GAB1: variants seen among roughly 807,000 people sequenced by gnomAD.
GAB1 encodes GRB2 associated binding protein 1.
In GAB1, 19 loss-of-function variants were observed where a neutral mutation model predicts 66.5. The ratio of observed to expected loss-of-function variants is 0.29; its 90% CI spans 0.20 to 0.42. The LOEUF (loss-of-function observed/expected upper bound fraction) is 0.42. Among genes scored for constraint, GAB1 ranks in the 10% least tolerant of loss-of-function variants. The pLI is 1.00. For synonymous variants in GAB1, 294 were observed against 301.4 expected (o/e 0.98, Z 0.25); for missense variants, 732 against 858.5 (o/e 0.85, Z 1.84).
chr4:143,464,213 A>G (rs1560789528), intron 8 of GAB1, among the ~76,000 whole-genome samples: 1 of 151,934 alleles, frequency 6.6e-6, no homozygotes, highest in African/African-American at 2.4e-5. Context: ...TGTGCTCTAC[A>G]TGTTATTTTT....
chr4:143,465,798 CATA>C (rs1225762335), intron 8 of GAB1, among the ~76,000 whole-genome samples: 1 of 152,116 alleles, frequency 6.6e-6, no homozygotes, highest in Non-Finnish European at 1.5e-5. Context: ...TCCTGTAAAG[CATA>C]ATTGAGTACA....
chr4:143,448,038 G>A (rs962397227), intron 6 of GAB1, among the ~76,000 whole-genome samples: 1 of 152,080 alleles, frequency 6.6e-6, no homozygotes, highest in African/African-American at 2.4e-5. Context: ...TGCATCTATT[G>A]AGATAATCAT....
Position 143,415,561 on chromosome 4 carries a change from G to A in GAB1, c.157G>A (p.Ala53Thr), listed in dbSNP as rs1188711341. 14 of 1,613,044 alleles carry A rather than the reference G, an allele frequency of 8.7e-6. No individual in the cohort carries two copies. The highest frequency in any genetic ancestry group is 1.2e-5 in the Non-Finnish European group (14 of 1,179,166). ...DVLEYYKNDH[A>T]KKPIRIIDLN... ...TTTGGAATATTACAAAAATGATCATGCCAAGAAGCCTATTCGTATTATTGA... is the reference window on the plus strand; with the variant it reads ...TTTGGAATATTACAAAAATGATCATACCAAGAAGCCTATTCGTATTATTGA... The change falls in exon 2 of 10, where the codon GCC becomes ACC. Residue 53 changes from alanine (A) to threonine (T), a missense_variant. Around this residue, in one of 4 missense-constraint regions of GAB1, gnomAD observed 66 missense variants for 130.3 expected, o/e 0.51. Transcript: ENST00000262994.
chr4:143,463,373 G>A (rs1316700600), intron 8 of GAB1, among the ~76,000 whole-genome samples: 2 of 152,080 alleles, frequency 1.3e-5, no homozygotes, highest in Non-Finnish European at 2.9e-5. Flanking sequence ...TGTAATCCCA[G>A]CACTTTAAGG....
chr4:143,347,559 CT>C (rs1048095597), intron 1 of GAB1, among the ~76,000 whole-genome samples: 1 of 152,160 alleles, frequency 6.6e-6, no homozygotes, highest in Admixed American at 6.5e-5. Context: ...AGATAAAATC[CT>C]TTCCGTCAGA....
At position 143,341,407 on chromosome 4, in the gene GAB1, A is replaced by T. The variant is rs112847044; in HGVS notation, c.72+4147A>T. The stretch of plus-strand genomic sequence containing the variant: ...AAGTCTGTAAATAAAGTATTGTTTC[A>T]AGACAGCTGGCTACCACCATCGCTC... On this transcript the variant is annotated intron_variant, in intron 1 of 9. Transcript: ENST00000262994. Among the ~76,000 whole-genome samples, 333 of 152,348 alleles carry T rather than the reference A, an allele frequency of 2.2e-3. 2 individuals are homozygous for T. Among genetic ancestry groups the T allele is most frequent in the African/African-American group, 7.6e-3 (317 of 41,590 alleles).
chr4:143,457,306 A>C (rs1735244321), intron 6 of GAB1, among the ~76,000 whole-genome samples: 1 of 152,214 alleles, frequency 6.6e-6, no homozygotes, highest in Admixed American at 6.5e-5. Context: ...GGTATTCTAC[A>C]AATTTTTTAT....
At chr4:143,427,718 T>C (rs566898857) in intron 2 of GAB1, among the ~76,000 whole-genome samples, 3 of 152,120 alleles carry the variant, frequency 2.0e-5, no homozygotes, top group Non-Finnish European at 4.4e-5. Context: ...CAAAATTACC[T>C]ATCAGCAAAG....
chr4:143,372,317 G>A (rs1036411500), intron 1 of GAB1, among the ~76,000 whole-genome samples: 3 of 151,976 alleles, frequency 2.0e-5, no homozygotes, highest in African/African-American at 7.3e-5. Context: ...GACATTTTTG[G>A]TGTTTGTTTA....
intron 1 of GAB1, among the ~76,000 whole-genome samples, chr4:143,399,852 G>T (rs1042891720): frequency 2.6e-5 from 4 of 151,726 alleles, no homozygotes; most frequent in African/African-American, 9.7e-5. Context: ...ACACTTAGTT[G>T]TGTATTGATG....
chr4:143,373,949 C>T (rs1730299192), intron 1 of GAB1, among the ~76,000 whole-genome samples: 3 of 146,976 alleles, frequency 2.0e-5, no homozygotes, highest in East Asian at 2.0e-4. Flanking sequence ...GTTATGTGTC[C>T]AAAGCATTGG....
intron 1 of GAB1, among the ~76,000 whole-genome samples, chr4:143,390,153 T>G (rs2149685665): frequency 1.3e-5 from 2 of 152,326 alleles, no homozygotes; most frequent in South Asian, 4.1e-4. Context: ...GAATAGAATT[T>G]TAGAAGTAGA....
rs200727770 is a variant in GAB1, at chr4:143,466,075, C to T, written c.1804-28C>T. 5.3e-5 allele frequency: 86 copies of T among 1,609,360 alleles called. 1 individual carries two copies. The highest frequency in any genetic ancestry group is 2.2e-4 in the East Asian group (10 of 44,582). On this transcript the variant is annotated intron_variant, in intron 8 of 9. Coordinates refer to ENST00000262994, the MANE Select transcript of GAB1 (RefSeq NM_002039.4). ...GTGGTATGTCTGGTGAATGTCTGAC[C>T]GTTGATTTTGTTGTCTAATACTTTC...
In GAB1 at chr4:143,423,792, G is replaced by GTATATATATA. The variant is rs35559967; in HGVS notation, c.367+8057_367+8066dup. ...CTCCATCTCAAAAAAAAAAAAAAGT[G>GTATATATATA]TATATATATATATATATATATATAT... On this transcript the variant is annotated intron_variant, in intron 2 of 9. Transcript: ENST00000262994. Among the ~76,000 whole-genome samples, 552 of 67,622 alleles carry GTATATATATA rather than the reference G, an allele frequency of 8.2e-3. 18 individuals carry two copies. The highest frequency in any genetic ancestry group is 0.012 in the Non-Finnish European group (421 of 34,730). 44.4% of individuals were successfully genotyped at this position (67,622 alleles called of 152,430 possible). A position where few individuals can be genotyped will look rare whatever the true frequency, so the allele number is the denominator to read the frequency against.
intron 1 of GAB1, among the ~76,000 whole-genome samples, chr4:143,400,967 A>AG (rs1731739020): frequency 6.8e-6 from 1 of 146,488 alleles, no homozygotes; most frequent in Admixed American, 6.8e-5. Context: ...AGACTCCATC[A>AG]CAAAAAAAAA....
At chr4:143,405,000 G>A (rs1367905566) in intron 1 of GAB1, among the ~76,000 whole-genome samples, 1 of 152,176 alleles carries the variant, frequency 6.6e-6, no homozygotes, top group Non-Finnish European at 1.5e-5. Flanking sequence ...AAAATTTTAT[G>A]TCTTTAATTT....
intron 1 of GAB1, 119 bp downstream of exon 1, chr4:143,337,379 C>T (rs1728695786): frequency 3.5e-6 from 3 of 848,360 alleles, no homozygotes; most frequent in Non-Finnish European, 5.7e-6. Flanking sequence ...ATGCCGGTCT[C>T]TTTCCCCTTG....
chr4:143,430,086 G>T (rs1005893557), intron 2 of GAB1, among the ~76,000 whole-genome samples: 1 of 152,148 alleles, frequency 6.6e-6, no homozygotes, highest in Non-Finnish European at 1.5e-5. Flanking sequence ...AGCCCTCCAT[G>T]AATCCTGTAC....
rs148187682 is a variant in GAB1 at position 143,417,446 on chromosome 4, C to T, written c.367+1675C>T. ...TTTTTGAGATAGGATCTCACTTTGTCGTCTAGGCTGGAGTACAGTGGCATG... is the reference window on the plus strand; with the variant it reads ...TTTTTGAGATAGGATCTCACTTTGTTGTCTAGGCTGGAGTACAGTGGCATG... On this transcript the variant is annotated intron_variant, in intron 2 of 9. Coordinates refer to ENST00000262994, the MANE Select transcript of GAB1 (RefSeq NM_002039.4). 236 of 431,734 alleles carry T rather than the reference C, an allele frequency of 5.5e-4. 1 individual carries two copies. The highest frequency in any genetic ancestry group is 2.2e-3 in the South Asian group (130 of 60,222). The allele number at this position is 431,734 out of a possible 1,614,324, so 26.7% of individuals were successfully genotyped here.
Sources: gnomAD v4.1 joint callset for allele counts (sites outside exome capture counted in the v4.1 genomes callset) on GRCh38, gnomAD v4.1.1 for gene constraint, gnomAD v4.1.1 regional missense constraint, MANE v1.5 for transcripts, NCBI Gene and HGNC (gene_info 2026-07-23, HGNC 2026-07-21) for gene names.